SPDEF: variants seen among roughly 807,000 people sequenced by gnomAD.
The protein encoded by SPDEF is SAM pointed domain containing ETS transcription factor.
A neutral mutation model predicts 36.0 loss-of-function variants in SPDEF; 12 were observed. The ratio of observed to expected loss-of-function variants is 0.33; its 90% CI spans 0.21 to 0.54. The LOEUF (loss-of-function observed/expected upper bound fraction) is 0.54. Ranked by LOEUF, SPDEF falls within the 20% of genes least tolerant of loss-of-function variation. The pLI, the probability that SPDEF is intolerant of heterozygous loss-of-function variation, is 0.93. For synonymous variants in SPDEF, 205 were observed against 193.0 expected (o/e 1.06, Z -0.51); for missense variants, 388 against 456.9 (o/e 0.85, Z 1.37).
rs370909179 is a variant in SPDEF at position 34,539,474 on chromosome 6, C to A, written c.682+41G>T. ...TTCATTGGCAGCCACCCCTCCACCC[C>A]ACCCGAGCCCCCGCCTCCACCCTGC... On this transcript the variant is annotated intron_variant, in intron 4 of 5. Coordinates refer to ENST00000374037, the MANE Select transcript of SPDEF (RefSeq NM_012391.3). This position sits in a 1 kb window ranked among gnomAD's most constrained non-coding sequence, Gnocchi z 5.2. 4 of 1,582,486 alleles carry A rather than the reference C, an allele frequency of 2.5e-6. No individual in the cohort carries two copies. Among genetic ancestry groups the A allele is most frequent in the African/African-American group, 2.7e-5 (2 of 74,060 alleles).
At chr6:34,541,788 C>T (rs1471028083) in intron 2 of SPDEF, among the ~76,000 whole-genome samples, 2 of 152,302 alleles carry the variant, frequency 1.3e-5, no homozygotes, top group East Asian at 3.9e-4. Flanking sequence ...ATGGGGCAGC[C>T]ACAGGCCCCA....
chr6:34,549,946 G>A (rs1768025705), intron 1 of SPDEF, among the ~76,000 whole-genome samples: 1 of 152,190 alleles, frequency 6.6e-6, no homozygotes, highest in Non-Finnish European at 1.5e-5. Context: ...AAGTCCCTGG[G>A]TCCCCTTAAA....
chr6:34,548,022 A>G (rs75149985), intron 1 of SPDEF, among the ~76,000 whole-genome samples: 1,940 of 152,262 alleles, frequency 0.013, 19 homozygotes, highest in Middle Eastern at 0.024. Flanking sequence ...GGTGTGCCCA[A>G]CCTGCAACTA....
rs905821822 is a variant in SPDEF at position 34,539,670 on chromosome 6, G to C, written c.635-108C>G. ...GCCACAGGAGCCCCTCTGTGGCTGG[G>C]GGTTGCCCCTGTGGCTCCCTGCCTC... On this transcript the variant is annotated intron_variant, in intron 3 of 5. Transcript: ENST00000374037. The surrounding 1 kb of genome is among the most constrained non-coding windows in gnomAD (Gnocchi z 5.2). 21 of 1,339,968 alleles carry C rather than the reference G, an allele frequency of 1.6e-5. No homozygotes were observed. The highest frequency in any genetic ancestry group is 9.9e-5 in the Admixed American group (5 of 50,506). 83.0% of individuals were successfully genotyped at this position (1,339,968 alleles called of 1,614,324 possible).
chr6:34,548,291 G>A (rs1049193491), intron 1 of SPDEF, among the ~76,000 whole-genome samples: 1 of 152,176 alleles, frequency 6.6e-6, no homozygotes, highest in African/African-American at 2.4e-5. Flanking sequence ...TCTCTGAGGT[G>A]CATGCTCTGG....
Position 34,544,617 on chromosome 6 carries a change from T to C in SPDEF, c.-29-133A>G, listed in dbSNP as rs1767913150. ...GACAGAGTTGGGGGCTTCCGGGTCA[T>C]TGGGCAGCCACGACATGGTTGGGCA... is the stretch of plus-strand genomic sequence containing the variant. On this transcript the variant is annotated intron_variant, in intron 1 of 5. Coordinates refer to ENST00000374037, the MANE Select transcript of SPDEF (RefSeq NM_012391.3). The surrounding 1 kb of genome is among the most constrained non-coding windows in gnomAD (Gnocchi z 4.4). 2 of 669,182 alleles carry C rather than the reference T, an allele frequency of 3.0e-6. No individual in the cohort carries two copies. The highest frequency in any genetic ancestry group is 4.7e-6 in the Non-Finnish European group (2 of 427,280). The allele number at this position is 669,182 out of a possible 1,614,324, so 41.5% of individuals were successfully genotyped here. A position where few individuals can be genotyped will look rare whatever the true frequency, so the allele number is the denominator to read the frequency against.
At chr6:34,545,197 T>C (rs1468732206) in intron 1 of SPDEF, among the ~76,000 whole-genome samples, 1 of 152,098 alleles carries the variant, frequency 6.6e-6, no homozygotes, top group African/African-American at 2.4e-5. Flanking sequence ...TTACCCTCCC[T>C]CAGAAGGTGC....
rs1561978494 is a variant in SPDEF at position 34,544,178 on chromosome 6, C to T, written c.278G>A (p.Cys93Tyr). Residue 93 changes from cysteine to tyrosine, a missense_variant, in exon 2 of 6, where the codon TGC becomes TAC. Coordinates refer to ENST00000374037, the MANE Select transcript of SPDEF (RefSeq NM_012391.3). This position sits in a 1 kb window ranked among gnomAD's most constrained non-coding sequence, Gnocchi z 4.4. ...REEPPEEPEQ[C>Y]PVIDSQAPAG... ...TGGGGCTTGGCTGTCAATGACCGGG[C>T]ACTGCTCAGGCTCCTCAGGTGGCTC... The T allele has an allele frequency of 6.2e-7, 1 of 1,613,852 alleles. No individual in the cohort carries two copies. The highest frequency in any genetic ancestry group is 8.5e-7 in the Non-Finnish European group (1 of 1,179,960).
In SPDEF at chr6:34,544,389, C is replaced by T. The variant is rs202233975; in HGVS notation, c.67G>A (p.Val23Met). ...GCCTTCTCCAAGCCTGTCCGCGACA[C>T]CGTGTCGGGGGGCAGCAGGAGGTGG... ...PSHLLLPPDT[V>M]SRTGLEKAAA... is the part of the protein sequence containing the mutation. Residue 23 changes from valine (V) to methionine (M), a missense_variant, in exon 2 of 6, where the codon GTG (valine) becomes ATG (methionine). Physicochemically the swap from Val to Met is conservative, Grantham distance 21. Around this residue, in one of 2 missense-constraint regions of SPDEF, gnomAD observed 308 missense variants for 326.1 expected, o/e 0.94. Transcript: ENST00000374037. The surrounding 1 kb of genome is among the most constrained non-coding windows in gnomAD (Gnocchi z 4.4). 40 of 1,594,900 alleles carry T rather than the reference C, an allele frequency of 2.5e-5. No individual in the cohort carries two copies. The East Asian group carries it at 8.8e-4, about 35-fold the overall frequency.
intron 1 of SPDEF, among the ~76,000 whole-genome samples, chr6:34,547,618 C>T (rs567865065): frequency 9.6e-4 from 146 of 152,288 alleles, no homozygotes; most frequent in African/African-American, 3.4e-3. Context: ...CCCCCTGCTT[C>T]AGCCTCCCAA....
intron 2 of SPDEF, among the ~76,000 whole-genome samples, chr6:34,543,609 C>A (rs79314039): frequency 1.4e-3 from 207 of 152,246 alleles, no homozygotes; most frequent in African/African-American, 4.7e-3. Context: ...GAGCCAAGAC[C>A]TGAAGGAAGT....
rs1767764298 is a variant in SPDEF at position 34,539,329 on chromosome 6, G to A, written c.750C>T (p.His250=). Residue 250 remains histidine, a synonymous_variant, in exon 5 of 6, where the codon CAC becomes CAT. Transcript: ENST00000374037. The surrounding 1 kb of genome is among the most constrained non-coding windows in gnomAD (Gnocchi z 5.2). The stretch of plus-strand genomic sequence containing the variant: ...GCAACTCCTTGAGGAACTGCCACAG[G>A]TGGATGGGCTGCCCGGAGCATGATG... ...VDSSCSGQPI[H]LWQFLKELLL... The A allele has an allele frequency of 6.2e-7, 1 of 1,613,868 alleles. No homozygotes were observed. Among genetic ancestry groups the A allele is most frequent in the Admixed American group, 1.7e-5 (1 of 59,996 alleles).
At chr6:34,540,929 C>A (rs1767805146) in intron 3 of SPDEF, 55 bp downstream of exon 3, 1 of 1,551,558 alleles carries the variant, frequency 6.4e-7, no homozygotes, top group Admixed American at 1.7e-5. Flanking sequence ...TAGCCAGCAT[C>A]CTGTCCCTGG....
intron 1 of SPDEF, among the ~76,000 whole-genome samples, chr6:34,549,836 G>T (rs1768023634): frequency 6.6e-6 from 1 of 152,202 alleles, no homozygotes; most frequent in Non-Finnish European, 1.5e-5. Flanking sequence ...CCCCCAGCCG[G>T]CCTCACTGCA....
Position 34,538,334 on chromosome 6 carries a change from G to A in SPDEF, c.948C>T (p.Gly316=), listed in dbSNP as rs1328049625. The change falls in exon 6 of 6, where the codon GGC becomes GGT. Residue 316 remains glycine (G), a synonymous_variant. Transcript: ENST00000374037. This position sits in a 1 kb window ranked among gnomAD's most constrained non-coding sequence, Gnocchi z 5.9. The part of the protein sequence containing the change: ...SRSIRQYYKK[G]IIRKPDISQR... Reference sequence around the variant, plus strand: ...GGGAGATGTCTGGCTTCCGGATGATGCCCTTCTTGTAATACTGGCGGATGG... The same window carrying A: ...GGGAGATGTCTGGCTTCCGGATGATACCCTTCTTGTAATACTGGCGGATGG... 1.2e-6 allele frequency: 2 copies of A among 1,614,062 alleles called. No homozygotes were observed. Among genetic ancestry groups the A allele is most frequent in the Non-Finnish European group, 1.7e-6 (2 of 1,180,004 alleles).
intron 1 of SPDEF, among the ~76,000 whole-genome samples, chr6:34,554,327 C>T (rs2127295254): frequency 6.6e-6 from 1 of 152,290 alleles, no homozygotes; most frequent in South Asian, 2.1e-4. Flanking sequence ...GCCAGCATCA[C>T]ACTTTCTGAG....
At chr6:34,543,708 T>C (rs757142740) in intron 2 of SPDEF, among the ~76,000 whole-genome samples, 13 of 152,082 alleles carry the variant, frequency 8.5e-5, no homozygotes, top group Non-Finnish European at 1.6e-4. Flanking sequence ...CAGGCCAGTG[T>C]GGCGGGAGCA....
At chr6:34,541,244 G>A (rs183969187) in intron 2 of SPDEF, 63 bp from the exon 3 acceptor site, 30 of 1,464,786 alleles carry the variant, frequency 2.0e-5, no homozygotes, top group African/African-American at 7.0e-5. Context: ...CTGTGATGGG[G>A]CACCCATGGG....
intron 3 of SPDEF, among the ~76,000 whole-genome samples, chr6:34,540,010 T>A (rs1767783878): frequency 6.6e-6 from 1 of 152,062 alleles, no homozygotes; most frequent in Non-Finnish European, 1.5e-5. Flanking sequence ...CCATTAGAAA[T>A]TTAGGGCAGG....
Sources: gnomAD v4.1 joint callset for allele counts (sites outside exome capture counted in the v4.1 genomes callset) on GRCh38, gnomAD v4.1.1 for gene constraint, gnomAD v4.1.1 regional missense constraint, Gnocchi (gnomAD v3.1) non-coding constraint, MANE v1.5 for transcripts, NCBI Gene and HGNC (gene_info 2026-07-23, HGNC 2026-07-21) for gene names.